Variants in RC3H1 observed in about 807,000 individuals in gnomAD.
RC3H1 encodes the protein ring finger and CCCH-type domains 1.
A neutral mutation model predicts 138.2 loss-of-function variants in RC3H1; 50 were observed. That is an observed-to-expected ratio of 0.36 (90% CI 0.29 to 0.46). The LOEUF (loss-of-function observed/expected upper bound fraction) is 0.46, where lower values mean the gene tolerates loss of function less well. Among genes scored for constraint, RC3H1 ranks in the 20% least tolerant of loss-of-function variants. RC3H1 has a pLI of 1.00. For synonymous variants in RC3H1, 462 were observed against 489.1 expected (o/e 0.94, Z 0.73); for missense variants, 1,031 against 1,388.1 (o/e 0.74, Z 4.09).
In RC3H1 at chr1:173,980,896, T is replaced by C. The variant is rs773672610; in HGVS notation, c.882A>G (p.Ala294=). 1.3e-5 allele frequency: 21 copies of C among 1,614,160 alleles called. No homozygotes were observed. The Middle Eastern group carries it at 1.3e-3, about 101-fold the overall frequency. Residue 294 remains alanine, a synonymous_variant, in exon 6 of 20, where the codon GCA becomes GCG. Transcript: ENST00000367696. ...ACTGGTCCGGTGCAATTCGTAAGCCTGCTTCCATAGCAATCTGCACTATCT... is the reference window on the plus strand; with the variant it reads ...ACTGGTCCGGTGCAATTCGTAAGCCCGCTTCCATAGCAATCTGCACTATCT... ...DSQIVQIAME[A]GLRIAPDQWS...
intron 1 of RC3H1, among the ~76,000 whole-genome samples, chr1:173,999,782 A>C (rs867539650): frequency 6.6e-6 from 1 of 152,266 alleles, no homozygotes. Flanking sequence ...CTAGGATATT[A>C]TACTTTCAGT....
chr1:173,960,662 A>T (rs767417285), intron 13 of RC3H1, among the ~76,000 whole-genome samples: 3 of 152,254 alleles, frequency 2.0e-5, no homozygotes, highest in Non-Finnish European at 4.4e-5. Flanking sequence ...TTGAAAAATA[A>T]CAATACTAGA....
intron 18 of RC3H1, 102 bp downstream of exon 18, chr1:173,943,340 T>C: frequency 8.8e-7 from 1 of 1,130,342 alleles, no homozygotes; most frequent in African/African-American, 1.6e-5. Context: ...TAACCACTCA[T>C]CAGAGTGCCT....
At chr1:173,941,885 T>C (rs1310355275) in intron 18 of RC3H1, among the ~76,000 whole-genome samples, 2 of 148,118 alleles carry the variant, frequency 1.4e-5, no homozygotes, top group Non-Finnish European at 3.0e-5. Context: ...GAGCTGAGAT[T>C]GCACCACTGC....
intron 4 of RC3H1, chr1:173,983,178 A>G (rs1660891254): frequency 3.7e-6 from 2 of 537,044 alleles, no homozygotes; most frequent in Non-Finnish European, 6.2e-6. Context: ...AAAAAAGGAA[A>G]AATCAAAAAA....
rs1346628571 is a variant in RC3H1 at position 173,961,821 on chromosome 1, T to C, written c.2106A>G (p.Pro702=). 1 of 1,613,886 alleles carries C rather than the reference T, an allele frequency of 6.2e-7. No homozygotes were observed. The change falls in exon 12 of 20, where the codon CCA becomes CCG. Residue 702 remains proline, a synonymous_variant. Coordinates refer to ENST00000367696, the MANE Select transcript of RC3H1 (RefSeq NM_172071.4). ...TTTCTCTGGATTCTGGTACATACGA[T>C]GGTACTGCTGCAGGTGGAATCTCAA... ...IPIEIPPAAV[P]SYVPESRERY...
intron 10 of RC3H1, among the ~76,000 whole-genome samples, chr1:173,964,437 G>A (rs895173561): frequency 5.3e-5 from 8 of 151,826 alleles, no homozygotes; most frequent in African/African-American, 1.9e-4. Flanking sequence ...GTGCAATCTC[G>A]GCTTACTGCA....
At position 173,964,174 on chromosome 1, in the gene RC3H1, G is replaced by A. The variant is rs749777972; in HGVS notation, c.1630C>T (p.Pro544Ser). The change falls in exon 11 of 20, where the codon CCT becomes TCT. Residue 544 changes from proline to serine, a missense_variant. Pro to Ser is a moderately conservative substitution (Grantham distance 74). Coordinates refer to ENST00000367696, the MANE Select transcript of RC3H1 (RefSeq NM_172071.4). Reference sequence around the variant, plus strand: ...ACAGGTAAGGCAGAAATACTCTTAGGAACAGATTCTAGCCTAAGGGAATAA... The same window carrying A: ...ACAGGTAAGGCAGAAATACTCTTAGAAACAGATTCTAGCCTAAGGGAATAA... ...GSPPDLLESV[P>S]KSISALPVNP... The A allele has an allele frequency of 3.7e-6, 6 of 1,612,356 alleles. No homozygotes were observed. In the African/African-American group the frequency reaches 4.0e-5, roughly 11 times the overall value.
chr1:173,944,713 C>T (rs921782477), intron 17 of RC3H1, among the ~76,000 whole-genome samples: 4 of 152,174 alleles, frequency 2.6e-5, no homozygotes, highest in African/African-American at 4.8e-5. Context: ...TGACAGGAAT[C>T]GGCAAGACGT....
Position 173,993,080 on chromosome 1 carries a change from T to C in RC3H1, c.-95A>G. 2.3e-6 allele frequency: 2 copies of C among 860,874 alleles called. No homozygotes were observed. The highest frequency in any genetic ancestry group is 3.6e-6 in the Non-Finnish European group (2 of 554,084). 53.3% of individuals were successfully genotyped at this position (860,874 alleles called of 1,614,324 possible). On this transcript the variant is annotated 5_prime_UTR_variant, in exon 2 of 20. Coordinates refer to ENST00000367696, the MANE Select transcript of RC3H1 (RefSeq NM_172071.4). ...AAAATCTTTGAAAAAAAGTTTATCT[T>C]TTTTTTTTTTAAATATCTTCTGTAG...
intron 1 of RC3H1, among the ~76,000 whole-genome samples, chr1:173,998,923 T>C (rs1219705128): frequency 1.3e-5 from 2 of 151,748 alleles, no homozygotes; most frequent in East Asian, 3.9e-4. Flanking sequence ...CAAGACCTTG[T>C]CTCTATAAGC....
At chr1:173,977,510 A>T (rs1038572469) in intron 7 of RC3H1, among the ~76,000 whole-genome samples, 2 of 152,246 alleles carry the variant, frequency 1.3e-5, no homozygotes, top group African/African-American at 4.8e-5. Context: ...TTAAAGGAAG[A>T]GCAAGTATCA....
Position 173,964,179 on chromosome 1 carries a change from G to C in RC3H1, c.1625C>G (p.Ser542Cys), listed in dbSNP as rs771677008. 26 of 1,609,052 alleles carry C rather than the reference G, an allele frequency of 1.6e-5. No individual in the cohort carries two copies. Among genetic ancestry groups the C allele is most frequent in the Middle Eastern group, 1.6e-4 (1 of 6,070 alleles). ...TAAGGCAGAAATACTCTTAGGAACAGATTCTAGCCTAAGGGAATAATATTA... is the reference window on the plus strand; with the variant it reads ...TAAGGCAGAAATACTCTTAGGAACACATTCTAGCCTAAGGGAATAATATTA... ...APGSPPDLLE[S>C]VPKSISALPV... is the part of the protein sequence containing the mutation. Residue 542 changes from serine (S) to cysteine (C), a missense_variant, in exon 11 of 20, where the codon TCT becomes TGT. This residue lies in a region of RC3H1 where 716 missense variants were observed against 837.9 expected (regional missense o/e 0.85). Transcript: ENST00000367696.
At chr1:173,948,984 T>A (rs967077255) in intron 14 of RC3H1, among the ~76,000 whole-genome samples, 1 of 151,982 alleles carries the variant, frequency 6.6e-6, no homozygotes, top group Non-Finnish European at 1.5e-5. Flanking sequence ...GAAAGCCAAG[T>A]ACAAGGCAAA....
At chr1:173,999,224 A>G (rs150108030) in intron 1 of RC3H1, among the ~76,000 whole-genome samples, 1 of 152,264 alleles carries the variant, frequency 6.6e-6, no homozygotes, top group East Asian at 1.9e-4. Flanking sequence ...CCCTGTCTCT[A>G]CTAAAAATAC....
chr1:173,979,525 G>A (rs1395027681), intron 6 of RC3H1, among the ~76,000 whole-genome samples: 2 of 152,070 alleles, frequency 1.3e-5, no homozygotes, highest in South Asian at 2.1e-4. Context: ...GTGTGGTAGT[G>A]CGTGCCTGTA....
rs1196640062 is a variant in RC3H1, at chr1:173,931,690, CCAAAAGAACTCTCAGGAG to C, written c.*7013_*7030del. On this transcript the variant is annotated 3_prime_UTR_variant, in exon 20 of 20. Transcript: ENST00000367696. ...TTCAAATAGGGTTCTTTTTCCTACT[CCAAAAGAACTCTCAGGAG>C]ATAAGGTCTTCAAATAAGACTTCAC... 6.6e-6 allele frequency: 1 copy of C among 152,110 alleles called. No individual in the cohort carries two copies. Among genetic ancestry groups the C allele is most frequent in the Non-Finnish European group, 1.5e-5 (1 of 68,002 alleles). 9.4% of individuals were successfully genotyped at this position (152,110 alleles called of 1,614,324 possible).
At chr1:173,947,957 C>T (rs1659205960) in intron 14 of RC3H1, among the ~76,000 whole-genome samples, 2 of 128,952 alleles carry the variant, frequency 1.6e-5, no homozygotes, top group South Asian at 2.3e-4. Flanking sequence ...GTTGACCAGG[C>T]TGGTCTCAAA....
At chr1:173,996,363 C>T (rs759592441) in intron 1 of RC3H1, among the ~76,000 whole-genome samples, 27 of 151,968 alleles carry the variant, frequency 1.8e-4, no homozygotes, top group African/African-American at 4.8e-4. Flanking sequence ...TATTAGTCTA[C>T]GTATTAATAT....
Sources: gnomAD v4.1 joint callset for allele counts (sites outside exome capture counted in the v4.1 genomes callset) on GRCh38, gnomAD v4.1.1 for gene constraint, gnomAD v4.1.1 regional missense constraint, MANE v1.5 for transcripts, NCBI Gene and HGNC (gene_info 2026-07-23, HGNC 2026-07-21) for gene names.